Variants in CATSPERB observed in about 807,000 individuals in gnomAD.
CATSPERB encodes cation channel sperm-associated auxiliary subunit beta.
CATSPERB carries 93 observed loss-of-function variants against 128.3 expected under a neutral mutation model. The observed-to-expected ratio is 0.72, with a 90% CI of 0.61 to 0.86. The LOEUF is 0.86. Ranked by LOEUF, CATSPERB falls within the 40% of genes least tolerant of loss-of-function variation. The pLI is 0.00. For synonymous variants in CATSPERB, 381 were observed against 448.8 expected, an observed-to-expected ratio of 0.85 and a Z score of 1.91; for missense variants, 1,153 against 1,329.5, an observed-to-expected ratio of 0.87 and a Z score of 2.06.
rs200325414 is a variant in CATSPERB, at chr14:91,621,590, C to T, written c.2260+18G>A. The T allele has an allele frequency of 1.3e-5, 20 of 1,503,158 alleles. No individual in the cohort carries two copies. The highest frequency in any genetic ancestry group is 6.8e-5 in the East Asian group (3 of 44,088). 93.1% of individuals were successfully genotyped at this position (1,503,158 alleles called of 1,614,324 possible). A position where few individuals can be genotyped will look rare whatever the true frequency, so the allele number is the denominator to read the frequency against. On this transcript the variant is annotated intron_variant, in intron 19 of 26. Coordinates refer to ENST00000256343, the MANE Select transcript of CATSPERB (RefSeq NM_024764.4). The stretch of plus-strand genomic sequence containing the variant: ...AATAACATTTCCTTTTTATATTTTC[C>T]GATCAAAACAAACTTACCTTTTGCA...
intron 7 of CATSPERB, among the ~76,000 whole-genome samples, chr14:91,695,876 C>T (rs1475300963): frequency 6.6e-6 from 1 of 152,134 alleles, no homozygotes; most frequent in East Asian, 1.9e-4. Flanking sequence ...GCGATGGACC[C>T]TGGAGACAGC....
intron 19 of CATSPERB, among the ~76,000 whole-genome samples, chr14:91,620,014 G>T (rs1000368760): frequency 1.3e-5 from 2 of 151,816 alleles, no homozygotes; most frequent in African/African-American, 2.4e-5. Context: ...GGGATTAGAG[G>T]CATGAGACAC....
chr14:91,670,901 G>A (rs1221393836), intron 13 of CATSPERB, among the ~76,000 whole-genome samples: 1 of 151,888 alleles, frequency 6.6e-6, no homozygotes, highest in South Asian at 2.1e-4. Flanking sequence ...TACTTGGGAG[G>A]CTGAGGTGGG....
intron 22 of CATSPERB, among the ~76,000 whole-genome samples, chr14:91,593,994 G>T (rs1158438718): frequency 1.3e-5 from 2 of 152,106 alleles, no homozygotes; most frequent in Non-Finnish European, 2.9e-5. Flanking sequence ...TTCCACTTTT[G>T]CTTTCTCCTC....
chr14:91,599,221 A>T (rs946139063), intron 22 of CATSPERB, among the ~76,000 whole-genome samples: 5 of 152,184 alleles, frequency 3.3e-5, no homozygotes, highest in African/African-American at 1.2e-4. Context: ...TGGTTACCAA[A>T]ATGTGAACCT....
At chr14:91,681,266 A>G (rs1039497138) in intron 11 of CATSPERB, among the ~76,000 whole-genome samples, 2 of 152,196 alleles carry the variant, frequency 1.3e-5, no homozygotes, top group African/African-American at 4.8e-5. Flanking sequence ...TATAGTTAAC[A>G]TCTGCCTATC....
At chr14:91,705,934 G>C (rs1895724978) in intron 6 of CATSPERB, among the ~76,000 whole-genome samples, 1 of 152,166 alleles carries the variant, frequency 6.6e-6, no homozygotes, top group Non-Finnish European at 1.5e-5. Context: ...TAATAAAAGG[G>C]AGGGTTTTTT....
Position 91,672,898 on chromosome 14 carries a change from C to T in CATSPERB, c.1097G>A (p.Arg366His), listed in dbSNP as rs200616332. ...TVLTFLVDQE[R>H]GTGVYLFYNK... Reference sequence around the variant, plus strand: ...ATAGAAGAGGTAAACTCCAGTACCACGCTCTTGGTCAACAAGAAATGTTAG... The same window carrying T: ...ATAGAAGAGGTAAACTCCAGTACCATGCTCTTGGTCAACAAGAAATGTTAG... The change falls in exon 13 of 27, where the codon CGT (arginine) becomes CAT (histidine). Residue 366 changes from arginine (R) to histidine (H), a missense_variant. Transcript: ENST00000256343. 2.4e-4 allele frequency: 381 copies of T among 1,593,480 alleles called. 1 individual carries two copies. The highest frequency in any genetic ancestry group is 2.3e-4 in the East Asian group (10 of 44,094).
chr14:91,654,711 G>A (rs780654264), intron 15 of CATSPERB, among the ~76,000 whole-genome samples: 1 of 152,166 alleles, frequency 6.6e-6, no homozygotes, highest in Non-Finnish European at 1.5e-5. Context: ...AACCCTGGCT[G>A]GACTCATCAC....
Position 91,610,662 on chromosome 14 carries a change from C to G in CATSPERB, c.2416G>C (p.Ala806Pro), listed in dbSNP as rs1258639688. 1 of 1,611,084 alleles carries G rather than the reference C, an allele frequency of 6.2e-7. No individual in the cohort carries two copies. The highest frequency in any genetic ancestry group is 8.5e-7 in the Non-Finnish European group (1 of 1,177,922). ...KVLHQGSTSL[A>P]FIMWSASTEC... ...GTAGAGGCTGACCACATAATAAATG[C>G]CAGTGAAGTTGAACCCTGGAAATAA... The change falls in exon 21 of 27, where the codon GCA becomes CCA. Residue 806 changes from alanine (A) to proline (P), a missense_variant. Physicochemically the swap from Ala to Pro is conservative, Grantham distance 27. Coordinates refer to ENST00000256343, the MANE Select transcript of CATSPERB (RefSeq NM_024764.4).
chr14:91,587,889 C>T lies in CATSPERB; in HGVS notation c.3057+89G>A, dbSNP rs150042994. 1,596 of 791,770 alleles carry T rather than the reference C, an allele frequency of 2.0e-3. 11 individuals carry two copies. The African/African-American group carries it at 0.025, about 12-fold the overall frequency. 49.0% of individuals were successfully genotyped at this position (791,770 alleles called of 1,614,324 possible). ...ATGTTATTCCCACCATTCCTGGTTACCTATACTTTAGAATTAAAACCAATC... is the reference window on the plus strand; with the variant it reads ...ATGTTATTCCCACCATTCCTGGTTATCTATACTTTAGAATTAAAACCAATC... On this transcript the variant is annotated intron_variant, in intron 25 of 26. Transcript: ENST00000256343.
intron 15 of CATSPERB, among the ~76,000 whole-genome samples, chr14:91,652,305 TA>T (rs1312180035): frequency 6.6e-6 from 1 of 152,062 alleles, no homozygotes; most frequent in Non-Finnish European, 1.5e-5. Context: ...AAAAAGGATA[TA>T]AAAATGAACA....
intron 26 of CATSPERB, among the ~76,000 whole-genome samples, chr14:91,585,602 T>C (rs1027207245): frequency 2.0e-5 from 3 of 152,234 alleles, no homozygotes; most frequent in African/African-American, 7.2e-5. Context: ...TTTCTACTTA[T>C]TTCAAAAGTG....
At chr14:91,591,139 C>A (rs1893392762) in intron 23 of CATSPERB, among the ~76,000 whole-genome samples, 2 of 152,052 alleles carry the variant, frequency 1.3e-5, no homozygotes, top group East Asian at 3.9e-4. Context: ...CTTACTGCAA[C>A]CTCTGCCTCC....
intron 14 of CATSPERB, among the ~76,000 whole-genome samples, chr14:91,662,112 C>T (rs1035020312): frequency 2.0e-5 from 3 of 151,888 alleles, no homozygotes; most frequent in Admixed American, 6.6e-5. Flanking sequence ...ACCTATGAAT[C>T]GGCATATTGC....
At chr14:91,728,182 T>C (rs1212637831) in intron 2 of CATSPERB, among the ~76,000 whole-genome samples, 1 of 152,184 alleles carries the variant, frequency 6.6e-6, no homozygotes, top group Admixed American at 6.5e-5. Context: ...GGAGTGATCT[T>C]GGCTCACTGC....
intron 11 of CATSPERB, among the ~76,000 whole-genome samples, chr14:91,677,691 G>C (rs1895214363): frequency 6.6e-6 from 1 of 152,170 alleles, no homozygotes; most frequent in Admixed American, 6.5e-5. Flanking sequence ...ATTTGACCTA[G>C]CAATCCCATT....
Position 91,693,184 on chromosome 14 carries a change from G to A in CATSPERB, c.773C>T (p.Thr258Ile), listed in dbSNP as rs1397820996. Reference protein sequence around the residue: ...VLTNHFLVILTSLGLFVSEDL... With the variant: ...VLTNHFLVILISLGLFVSEDL... ...TTCACTTACAAAAAGGCCCAAAGAG[G>A]TGAGGATAACTAAAAAATGATTCGT... The change falls in exon 9 of 27, where the codon ACC (threonine) becomes ATC (isoleucine). Residue 258 changes from threonine (T) to isoleucine (I), a missense_variant. Transcript: ENST00000256343. 1.2e-6 allele frequency: 2 copies of A among 1,613,888 alleles called. No homozygotes were observed. The highest frequency in any genetic ancestry group is 1.7e-6 in the Non-Finnish European group (2 of 1,179,894).
At chr14:91,699,564 T>C (rs1371104478) in intron 7 of CATSPERB, among the ~76,000 whole-genome samples, 4 of 151,928 alleles carry the variant, frequency 2.6e-5, no homozygotes, top group Admixed American at 6.6e-5. Context: ...TACTTGATCA[T>C]GATGAATTAA....
Sources: gnomAD v4.1 joint callset for allele counts (sites outside exome capture counted in the v4.1 genomes callset) on GRCh38, gnomAD v4.1.1 for gene constraint, MANE v1.5 for transcripts, NCBI Gene and HGNC (gene_info 2026-07-23, HGNC 2026-07-21) for gene names.